Variants in TBC1D1 observed in about 807,000 individuals in gnomAD.
TBC1D1 encodes TBC1 domain family member 1, also known as TBC1 (tre-2/USP6, BUB2, cdc16) domain family, member 1.
In TBC1D1, 89 loss-of-function variants were observed where a neutral mutation model predicts 125.6. The ratio of observed to expected loss-of-function variants is 0.71; its 90% CI spans 0.60 to 0.85. TBC1D1 has a LOEUF of 0.85. Ranked by LOEUF, TBC1D1 falls within the 40% of genes least tolerant of loss-of-function variation. TBC1D1 has a pLI of 0.00. For missense variants in TBC1D1, 1,377 were observed against 1,469.2 expected, an observed-to-expected ratio of 0.94 and a Z score of 1.03; for synonymous variants, 565 against 564.1, an observed-to-expected ratio of 1.00 and a Z score of -0.02.
chr4:37,977,428 G>A lies in TBC1D1; in HGVS notation c.418-37081G>A. On this transcript the variant is annotated intron_variant, in intron 2 of 19. Coordinates refer to ENST00000261439, the MANE Select transcript of TBC1D1 (RefSeq NM_015173.4). This position sits in a 1 kb window ranked among gnomAD's most constrained non-coding sequence, Gnocchi z 4.3. Reference sequence around the variant, plus strand: ...CCGCTCCCCAAGCCCGCCCCCGGCCGCCCGCGGGCCCACGGGCCGGCGGCG... The same window carrying A: ...CCGCTCCCCAAGCCCGCCCCCGGCCACCCGCGGGCCCACGGGCCGGCGGCG... 2 of 956,934 alleles carry A rather than the reference G, an allele frequency of 2.1e-6. No individual in the cohort carries two copies. Among genetic ancestry groups the A allele is most frequent in the Non-Finnish European group, 2.5e-6 (2 of 804,770 alleles). The allele number at this position is 956,934 out of a possible 1,614,324, so 59.3% of individuals were successfully genotyped here.
At chr4:37,924,341 T>C (rs922822958) in intron 2 of TBC1D1, among the ~76,000 whole-genome samples, 1 of 152,220 alleles carries the variant, frequency 6.6e-6, no homozygotes, top group Admixed American at 6.5e-5. Context: ...AGAAGAAATA[T>C]CTACCACTAA....
chr4:38,081,135 A>G (rs1756470496), intron 12 of TBC1D1, among the ~76,000 whole-genome samples: 1 of 151,794 alleles, frequency 6.6e-6, no homozygotes, highest in Non-Finnish European at 1.5e-5. Context: ...GCTGTCCCAG[A>G]CCTCTTTGAC....
intron 2 of TBC1D1, among the ~76,000 whole-genome samples, chr4:37,970,286 T>C (rs1415257507): frequency 6.6e-6 from 1 of 152,236 alleles, no homozygotes; most frequent in African/African-American, 2.4e-5. Flanking sequence ...GGATTTGGTA[T>C]TATCCTTGGC....
At chr4:38,021,341 T>G (rs1743982352) in intron 5 of TBC1D1, among the ~76,000 whole-genome samples, 1 of 152,158 alleles carries the variant, frequency 6.6e-6, no homozygotes, top group Non-Finnish European at 1.5e-5. Flanking sequence ...CAAGATGAGA[T>G]TTGGGTGGGG....
At chr4:38,061,256 T>C (rs961011328) in intron 12 of TBC1D1, among the ~76,000 whole-genome samples, 6 of 152,142 alleles carry the variant, frequency 3.9e-5, no homozygotes, top group African/African-American at 1.4e-4. Context: ...GTTTGTTTTC[T>C]CAGCCGTGGG....
Position 38,052,167 on chromosome 4 carries a change from CTGTG to C in TBC1D1, c.1911-2007_1911-2004del, listed in dbSNP as rs58659939. ...AATGTCCATGCAGGAAGCAGAGCCA[CTGTG>C]TGTGTGTGTGTGTGTGTGTGTGTGC... On this transcript the variant is annotated intron_variant, in intron 11 of 19. Coordinates refer to ENST00000261439, the MANE Select transcript of TBC1D1 (RefSeq NM_015173.4). 3.8e-3 allele frequency: 2,799 copies of C among 732,732 alleles called. 6 individuals carry two copies. The highest frequency in any genetic ancestry group is 7.6e-3 in the Admixed American group (313 of 41,258). 45.4% of individuals were successfully genotyped at this position (732,732 alleles called of 1,614,324 possible).
chr4:37,922,355 G>C (rs185287558), intron 2 of TBC1D1, among the ~76,000 whole-genome samples: 11 of 152,272 alleles, frequency 7.2e-5, no homozygotes, highest in Non-Finnish European at 1.0e-4. Context: ...GTTTAGAGGG[G>C]TTCTGGCTTT....
At chr4:38,055,056 C>T (rs1229623210) in intron 12 of TBC1D1, 1 of 152,184 alleles carries the variant, frequency 6.6e-6, no homozygotes, top group African/African-American at 2.4e-5. Flanking sequence ...CTTGAGCCCA[C>T]TCGCCCAGCT....
chr4:37,926,302 G>C (rs980169496), intron 2 of TBC1D1, among the ~76,000 whole-genome samples: 4 of 148,746 alleles, frequency 2.7e-5, no homozygotes, highest in African/African-American at 9.8e-5. Flanking sequence ...TTTAGGTCAG[G>C]TTGCTGTGGC....
At chr4:38,052,047 G>C (rs1750658807) in intron 11 of TBC1D1, 1 of 1,551,028 alleles carries the variant, frequency 6.4e-7, no homozygotes, top group East Asian at 2.4e-5. Context: ...AAGTGGGAAT[G>C]CTGTGCCAAA....
At chr4:38,037,213 A>G (rs1747381633) in intron 8 of TBC1D1, among the ~76,000 whole-genome samples, 2 of 151,982 alleles carry the variant, frequency 1.3e-5, no homozygotes. Context: ...ACTCATTTTT[A>G]TGGACCAGCA....
At chr4:38,024,257 A>G (rs1744643366) in intron 6 of TBC1D1, among the ~76,000 whole-genome samples, 1 of 152,242 alleles carries the variant, frequency 6.6e-6, no homozygotes, top group African/African-American at 2.4e-5. Context: ...TGAGAGGATC[A>G]CTAACCCTTT....
chr4:38,116,355 G>A (rs1414665952), intron 16 of TBC1D1, among the ~76,000 whole-genome samples: 1 of 152,082 alleles, frequency 6.6e-6, no homozygotes, highest in African/African-American at 2.4e-5. Flanking sequence ...CCCCACCCTT[G>A]TCATCTCAGG....
intron 1 of TBC1D1, among the ~76,000 whole-genome samples, chr4:37,897,965 T>C (rs1715005964): frequency 6.6e-6 from 1 of 152,372 alleles, no homozygotes; most frequent in African/African-American, 2.4e-5. Context: ...GACTTTACTT[T>C]CATGAAATGC....
chr4:38,104,892 A>C (rs1458965446), intron 15 of TBC1D1, among the ~76,000 whole-genome samples: 2 of 151,824 alleles, frequency 1.3e-5, no homozygotes, highest in Non-Finnish European at 2.9e-5. Context: ...AGTAGCTGGG[A>C]CTACAGGTGC....
rs1214589304 is a variant in TBC1D1 at position 37,998,785 on chromosome 4, G to A, written c.418-15724G>A. On this transcript the variant is annotated intron_variant, in intron 2 of 19. Coordinates refer to ENST00000261439, the MANE Select transcript of TBC1D1 (RefSeq NM_015173.4). ...TAATCCACTGAAAGCATGGCCTCTG[G>A]CACACAGTGGGCCTGATAAGTGGTA... 2.0e-5 allele frequency among the ~76,000 whole-genome samples: 3 copies of A among 152,184 alleles called. 1 individual carries two copies. The highest frequency in any genetic ancestry group is 4.4e-5 in the Non-Finnish European group (3 of 68,028).
chr4:37,930,073 C>T (rs1722958668), intron 2 of TBC1D1, among the ~76,000 whole-genome samples: 1 of 152,100 alleles, frequency 6.6e-6, no homozygotes. Context: ...AAGTTGACAG[C>T]AACGTGGTTT....
At chr4:38,049,123 A>G (rs1225197250) in intron 10 of TBC1D1, among the ~76,000 whole-genome samples, 1 of 152,196 alleles carries the variant, frequency 6.6e-6, no homozygotes, top group East Asian at 1.9e-4. Flanking sequence ...TCCATATTCT[A>G]AGAATATTGA....
intron 12 of TBC1D1, among the ~76,000 whole-genome samples, chr4:38,079,682 T>G (rs1756213018): frequency 1.3e-5 from 2 of 151,808 alleles, no homozygotes; most frequent in Admixed American, 1.3e-4. Context: ...GAGCCAAGAT[T>G]GTGCCATTGC....
Sources: allele counts gnomAD v4.1 joint callset (sites outside exome capture counted in the v4.1 genomes callset), GRCh38; gene constraint gnomAD v4.1.1; non-coding constraint Gnocchi (gnomAD v3.1); transcripts MANE v1.5; gene names NCBI Gene and HGNC (gene_info 2026-07-23, HGNC 2026-07-21).